MRTFB: variants seen among roughly 807,000 people sequenced by gnomAD.
MRTFB encodes myocardin related transcription factor B.
Under a neutral mutation model 104.2 loss-of-function variants are expected in MRTFB, and 29 were observed. The ratio of observed to expected loss-of-function variants is 0.28; its 90% CI spans 0.21 to 0.38. The LOEUF is 0.38. MRTFB is among the 10% of genes least tolerant of loss of function. The probability of loss-of-function intolerance (pLI) is 1.00; values close to 1 mark genes in which losing one functional copy is unlikely to be tolerated. For synonymous variants in MRTFB, 535 were observed against 519.5 expected (o/e 1.03, Z -0.41); for missense variants, 1,270 against 1,341.6 (o/e 0.95, Z 0.83).
intron 3 of MRTFB, chr16:14,143,278 C>A (rs2038110841): frequency 6.6e-6 from 1 of 150,622 alleles, no homozygotes; most frequent in Non-Finnish European, 1.5e-5. Context: ...AAATACCACA[C>A]AGAAAATAAC....
chr16:14,241,199 G>C (rs987456482), intron 10 of MRTFB: 1 of 166,342 alleles, frequency 6.0e-6, no homozygotes, highest in Non-Finnish European at 1.3e-5. Flanking sequence ...GGATGCTGGT[G>C]TTGAAGGGAC....
At chr16:14,027,998 G>A in the MRTFB span, among the ~76,000 whole-genome samples, 11 of 152,090 alleles carry the variant, frequency 7.2e-5, no homozygotes, top group Admixed American at 1.3e-4. Flanking sequence ...CCAATGTGGC[G>A]AAATCTTGTC....
intron 3 of MRTFB, among the ~76,000 whole-genome samples, chr16:14,160,499 A>G (rs1211251145): frequency 6.6e-6 from 1 of 152,166 alleles, no homozygotes; most frequent in African/African-American, 2.4e-5. Flanking sequence ...TAAATGTACT[A>G]TTTCCATTTG....
chr16:14,247,190 C>T lies in MRTFB; in HGVS notation c.1930C>T (p.Leu644Phe), dbSNP rs145643612. 85 of 1,614,162 alleles carry T rather than the reference C, an allele frequency of 5.3e-5. No homozygotes were observed. In the African/African-American group the frequency reaches 8.9e-4, roughly 17 times the overall value. Residue 644 changes from leucine (L) to phenylalanine (F), a missense_variant, in exon 12 of 17, where the codon CTC becomes TTC. Physicochemically the swap from Leu to Phe is conservative, Grantham distance 22. This residue lies in a region of MRTFB where 1,144 missense variants were observed against 1,131.5 expected (regional missense o/e 1.01). Transcript: ENST00000571589. ...CTCCTCCATCAAAGATGAGGCCTCA[C>T]TCCCTGACTGCTCCAGCTCCAGGCA... ...LGSSIKDEAS[L>F]PDCSSSRQPI... is the part of the protein sequence containing the mutation.
chr16:14,118,724 C>T (rs957759614), intron 2 of MRTFB, among the ~76,000 whole-genome samples: 10 of 150,562 alleles, frequency 6.6e-5, no homozygotes, highest in Non-Finnish European at 1.3e-4. Flanking sequence ...TAAGTATTTA[C>T]ATATATATAT....
At chr16:14,135,759 T>G (rs1223427187) in intron 2 of MRTFB, among the ~76,000 whole-genome samples, 1 of 152,228 alleles carries the variant, frequency 6.6e-6, no homozygotes, top group Non-Finnish European at 1.5e-5. Context: ...AGAGTCCACA[T>G]TCCTTTACAG....
the MRTFB span, among the ~76,000 whole-genome samples, chr16:14,031,365 G>T: frequency 1.3e-5 from 2 of 150,440 alleles, no homozygotes; most frequent in African/African-American, 4.9e-5. Flanking sequence ...CTGCGCCCCA[G>T]CCTGGGCGAC....
At chr16:14,184,541 T>C (rs2039879467) in intron 3 of MRTFB, among the ~76,000 whole-genome samples, 2 of 152,040 alleles carry the variant, frequency 1.3e-5, no homozygotes, top group African/African-American at 4.8e-5. Context: ...CATTTTCCCA[T>C]GTGTAGATCA....
At chr16:14,072,787 G>T (rs897029883) in intron 1 of MRTFB, among the ~76,000 whole-genome samples, 2 of 152,108 alleles carry the variant, frequency 1.3e-5, no homozygotes, top group African/African-American at 4.8e-5. Flanking sequence ...ATTGAACTAG[G>T]GATAACATGG....
At chr16:14,109,502 A>G (rs1300670436) in intron 2 of MRTFB, among the ~76,000 whole-genome samples, 1 of 152,234 alleles carries the variant, frequency 6.6e-6, no homozygotes, top group Non-Finnish European at 1.5e-5. Context: ...AATTGTCATC[A>G]CTGCAGATAC....
chr16:14,043,099 T>C, the MRTFB span, among the ~76,000 whole-genome samples: 3 of 152,212 alleles, frequency 2.0e-5, no homozygotes, highest in African/African-American at 7.2e-5. Flanking sequence ...AAAAGCAAAC[T>C]TGTGGCCTCA....
At chr16:14,058,751 C>G in the MRTFB span, among the ~76,000 whole-genome samples, 1 of 132,532 alleles carries the variant, frequency 7.5e-6, no homozygotes, top group Non-Finnish European at 1.5e-5. Context: ...CGGAGTCTCG[C>G]TCTGTCGCCC....
chr16:14,031,925 A>C, the MRTFB span, among the ~76,000 whole-genome samples: 1 of 152,136 alleles, frequency 6.6e-6, no homozygotes, highest in Non-Finnish European at 1.5e-5. Context: ...CTCTTGCCTC[A>C]GCCTCTCAAA....
At chr16:14,165,022 T>G (rs2142942355) in intron 3 of MRTFB, among the ~76,000 whole-genome samples, 1 of 152,254 alleles carries the variant, frequency 6.6e-6, no homozygotes, top group South Asian at 2.1e-4. Flanking sequence ...ATTTAAGATT[T>G]TAGCACTTTT....
chr16:14,038,459 T>G, the MRTFB span, among the ~76,000 whole-genome samples: 1 of 152,184 alleles, frequency 6.6e-6, no homozygotes, highest in Non-Finnish European at 1.5e-5. Context: ...TGGGACTGAC[T>G]TCATATCAAA....
upstream of MRTFB, among the ~76,000 whole-genome samples, chr16:14,070,507 C>T (rs1170555750): frequency 2.6e-5 from 4 of 152,216 alleles, no homozygotes; most frequent in African/African-American, 9.6e-5. Flanking sequence ...AAGGAGGAGA[C>T]AGAACCGCAT....
chr16:14,218,764 A>ATGTT, intron 7 of MRTFB, 56 bp from the exon 8 acceptor site: 1 of 1,490,552 alleles, frequency 6.7e-7, no homozygotes, highest in South Asian at 1.3e-5. Flanking sequence ...CCTTCACATT[A>ATGTT]AGCTTGGTAT....
the MRTFB span, chr16:14,020,184 C>G: frequency 3.3e-5 from 5 of 152,298 alleles, no homozygotes; most frequent in East Asian, 3.9e-4. Flanking sequence ...GCTTCCCCTC[C>G]CCTGGAACAA....
intron 3 of MRTFB, chr16:14,152,281 C>A (rs1306518582): frequency 6.6e-6 from 1 of 151,662 alleles, no homozygotes; most frequent in East Asian, 1.9e-4. Context: ...CAGAAATTAT[C>A]TTTGTATAAA....
Sources: gnomAD v4.1 joint callset for allele counts (sites outside exome capture counted in the v4.1 genomes callset) on GRCh38, gnomAD v4.1.1 for gene constraint, gnomAD v4.1.1 regional missense constraint, MANE v1.5 for transcripts, NCBI Gene and HGNC (gene_info 2026-07-23, HGNC 2026-07-21) for gene names.